Variants in EFNB2 observed in about 807,000 individuals in gnomAD.
The protein encoded by EFNB2 is ephrin-B2.
A neutral mutation model predicts 32.1 loss-of-function variants in EFNB2; 5 were observed. That is an observed-to-expected ratio of 0.16 (90% CI 0.08 to 0.33). The LOEUF is 0.33. Ranked by LOEUF, EFNB2 falls within the 10% of genes least tolerant of loss-of-function variation. The pLI is 1.00. For synonymous variants in EFNB2, 168 were observed against 166.5 expected (o/e 1.01, Z -0.07); for missense variants, 263 against 422.6 (o/e 0.62, Z 3.31).
intron 2 of EFNB2, 103 bp from the exon 3 acceptor site, chr13:106,495,943 A>G: frequency 8.8e-7 from 1 of 1,140,000 alleles, no homozygotes; most frequent in Non-Finnish European, 1.3e-6. Context: ...AATTTGAAAA[A>G]TAAGAATTCA....
chr13:106,518,249 T>C lies in EFNB2; in HGVS notation c.123-5437A>G, dbSNP rs1389614822. 6.6e-6 allele frequency: 1 copy of C among 152,162 alleles called. No individual in the cohort carries two copies. Among genetic ancestry groups the C allele is most frequent in the Non-Finnish European group, 1.5e-5 (1 of 68,050 alleles). 9.4% of individuals were successfully genotyped at this position (152,162 alleles called of 1,614,324 possible). A position where few individuals can be genotyped will look rare whatever the true frequency, so the allele number is the denominator to read the frequency against. On this transcript the variant is annotated intron_variant, in intron 1 of 4. Coordinates refer to ENST00000646441, the MANE Select transcript of EFNB2 (RefSeq NM_004093.4). The surrounding 1 kb of genome is among the most constrained non-coding windows in gnomAD (Gnocchi z 4.1). The stretch of plus-strand genomic sequence containing the variant: ...GTTACTCGGAGGCTGAGACAGAGAA[T>C]TGCTTGAATCCGAGAGGCGGAGGTT...
intron 2 of EFNB2, among the ~76,000 whole-genome samples, chr13:106,508,022 A>G (rs942780422): frequency 6.6e-6 from 1 of 152,190 alleles, no homozygotes; most frequent in Non-Finnish European, 1.5e-5. Flanking sequence ...TCTGACTCAC[A>G]TGATTTTGGT....
chr13:106,503,581 G>A lies in EFNB2; in HGVS notation c.407-7741C>T, dbSNP rs1477545198. On this transcript the variant is annotated intron_variant, in intron 2 of 4. Transcript: ENST00000646441. The stretch of plus-strand genomic sequence containing the variant: ...CTGGATTAAATGAAGGTTGCCAGGT[G>A]GAAGTCATTAGCTGGGTGGTGTTAA... Among the ~76,000 whole-genome samples the A allele has an allele frequency of 3.9e-5, 6 of 152,298 alleles. No individual in the cohort carries two copies. In the East Asian group the frequency reaches 9.7e-4, roughly 25 times the overall value.
chr13:106,528,715 C>A (rs912552771), intron 1 of EFNB2, among the ~76,000 whole-genome samples: 2 of 152,144 alleles, frequency 1.3e-5, no homozygotes, highest in Non-Finnish European at 1.5e-5. Flanking sequence ...GGAACCCAAT[C>A]GTGGTTTCAA....
At chr13:106,499,695 AT>A (rs958717362) in intron 2 of EFNB2, among the ~76,000 whole-genome samples, 2 of 151,870 alleles carry the variant, frequency 1.3e-5, no homozygotes, top group East Asian at 1.9e-4. Context: ...GGGCCCAGAT[AT>A]TTTTTTTCCC....
Position 106,493,028 on chromosome 13 carries a change from C to G in EFNB2, c.*12G>C. 1 of 1,595,466 alleles carries G rather than the reference C, an allele frequency of 6.3e-7. No homozygotes were observed. The highest frequency in any genetic ancestry group is 1.1e-5 in the South Asian group (1 of 89,506). ...GTCCTCTGGGAAAGCACAGGTACCACCAGGGTCCCTCTCAGACCTTGTAGT... is the reference window on the plus strand; with the variant it reads ...GTCCTCTGGGAAAGCACAGGTACCAGCAGGGTCCCTCTCAGACCTTGTAGT... On this transcript the variant is annotated 3_prime_UTR_variant, in exon 5 of 5. Transcript: ENST00000646441. The surrounding 1 kb of genome is among the most constrained non-coding windows in gnomAD (Gnocchi z 6.1).
At chr13:106,508,595 T>A (rs537904781) in intron 2 of EFNB2, among the ~76,000 whole-genome samples, 107 of 152,298 alleles carry the variant, frequency 7.0e-4, no homozygotes, top group African/African-American at 2.6e-3. Flanking sequence ...CATATACAGA[T>A]GCTCCATGAC....
Position 106,490,741 on chromosome 13 carries a change from A to G in EFNB2, c.*2299T>C, listed in dbSNP as rs1037562109. 1.3e-5 allele frequency: 2 copies of G among 151,700 alleles called. No homozygotes were observed. Among genetic ancestry groups the G allele is most frequent in the African/African-American group, 4.8e-5 (2 of 41,296 alleles). 9.4% of individuals were successfully genotyped at this position (151,700 alleles called of 1,614,324 possible). ...TGGCAACCCTCCACAGAAATATGAT[A>G]TAGATATATATAATATATATTGTAG... On this transcript the variant is annotated 3_prime_UTR_variant, in exon 5 of 5. Transcript: ENST00000646441.
At chr13:106,513,704 C>T (rs1252932034) in intron 1 of EFNB2, among the ~76,000 whole-genome samples, 1 of 152,150 alleles carries the variant, frequency 6.6e-6, no homozygotes, top group Non-Finnish European at 1.5e-5. Context: ...ACAAGAACTT[C>T]CTAATGAACA....
In EFNB2 at chr13:106,494,959, G is replaced by C. The variant is rs746057065; in HGVS notation, c.535C>G (p.Pro179Ala). ...SSAGSTRNKD[P>A]TRRPELEAGT... ...GCTTCTAGTTCTGGACGTCTTGTTG[G>C]ATCTTTATTCCTGGTTGATCCAGCA... The change falls in exon 4 of 5, where the codon CCA (proline) becomes GCA (alanine). Residue 179 changes from proline to alanine, a missense_variant. Physicochemically the swap from Pro to Ala is conservative, Grantham distance 27 (BLOSUM62 -1). Coordinates refer to ENST00000646441, the MANE Select transcript of EFNB2 (RefSeq NM_004093.4). The C allele has an allele frequency of 5.0e-6, 8 of 1,614,140 alleles. No individual in the cohort carries two copies. The East Asian group carries it at 1.8e-4, about 36-fold the overall frequency.
chr13:106,492,856 A>C lies in EFNB2; in HGVS notation c.*184T>G. On this transcript the variant is annotated 3_prime_UTR_variant, in exon 5 of 5. Coordinates refer to ENST00000646441, the MANE Select transcript of EFNB2 (RefSeq NM_004093.4). This position sits in a 1 kb window ranked among gnomAD's most constrained non-coding sequence, Gnocchi z 5.1. Reference sequence around the variant, plus strand: ...CTTCCAGGGAGCGTGTGTGTTCACCAAGGCCGAATGCTACAAGACTAGGTA... The same window carrying C: ...CTTCCAGGGAGCGTGTGTGTTCACCCAGGCCGAATGCTACAAGACTAGGTA... The C allele has an allele frequency of 2.7e-6, 2 of 750,100 alleles. No individual in the cohort carries two copies. Among genetic ancestry groups the C allele is most frequent in the Non-Finnish European group, 4.2e-6 (2 of 480,684 alleles). The allele number at this position is 750,100 out of a possible 1,614,324, so 46.5% of individuals were successfully genotyped here. A position where few individuals can be genotyped will look rare whatever the true frequency, so the allele number is the denominator to read the frequency against.
chr13:106,509,627 C>CTGTGTGTGTGTGTGTGTGTGTGTGTG (rs34068695), intron 2 of EFNB2, among the ~76,000 whole-genome samples: 4 of 142,572 alleles, frequency 2.8e-5, no homozygotes, highest in African/African-American at 1.0e-4. Context: ...CAGAGCTTGA[C>CTGTGTGTGTGTGTGTGTGTGTGTGTG]TGTGTGTGTG....
chr13:106,494,892 T>G lies in EFNB2; in HGVS notation c.602A>C (p.Lys201Thr). 6.2e-7 allele frequency: 1 copy of G among 1,613,996 alleles called. No individual in the cohort carries two copies. Among genetic ancestry groups the G allele is most frequent in the Non-Finnish European group, 8.5e-7 (1 of 1,179,854 alleles). Residue 201 changes from lysine (K) to threonine (T), a missense_variant, in exon 4 of 5, where the codon AAA becomes ACA. Around this residue, in one of 3 missense-constraint regions of EFNB2, gnomAD observed 172 missense variants for 237.1 expected, o/e 0.73. Coordinates refer to ENST00000646441, the MANE Select transcript of EFNB2 (RefSeq NM_004093.4). ...TCATGCTGTTATACCTGGATTTGGT[T>G]TTACAAAGGGACTTGTTGTCGAACT... is the stretch of plus-strand genomic sequence containing the variant. ...GRSSTTSPFVKPNPGSSTDGN... is the reference protein window; with the variant it reads ...GRSSTTSPFVTPNPGSSTDGN...
intron 1 of EFNB2, among the ~76,000 whole-genome samples, chr13:106,530,356 A>G (rs1879831049): frequency 6.6e-6 from 1 of 152,170 alleles, no homozygotes; most frequent in Admixed American, 6.5e-5. Context: ...TTTAATCAAA[A>G]TATTTTAAAC....
At chr13:106,508,710 A>G (rs1052622491) in intron 2 of EFNB2, among the ~76,000 whole-genome samples, 5 of 152,210 alleles carry the variant, frequency 3.3e-5, no homozygotes, top group African/African-American at 4.8e-5. Flanking sequence ...AGAAAGTTGA[A>G]AAATTTAAGT....
chr13:106,506,821 A>C (rs946759076), intron 2 of EFNB2: 1 of 152,238 alleles, frequency 6.6e-6, no homozygotes, highest in South Asian at 2.1e-4. Context: ...AACCCTGTGA[A>C]GCAGGTGCTG....
intron 2 of EFNB2, among the ~76,000 whole-genome samples, chr13:106,508,041 G>A (rs898480034): frequency 2.0e-5 from 3 of 152,142 alleles, no homozygotes; most frequent in South Asian, 2.1e-4. Flanking sequence ...GTAGTGTGAC[G>A]AAAACCTCTT....
Position 106,512,500 on chromosome 13 carries a change from A to G in EFNB2, c.406+29T>C, listed in dbSNP as rs758568249. 3.6e-6 allele frequency: 5 copies of G among 1,407,408 alleles called. No individual in the cohort carries two copies. In the African/African-American group the frequency reaches 5.8e-5, roughly 16 times the overall value. 87.2% of individuals were successfully genotyped at this position (1,407,408 alleles called of 1,614,324 possible). ...ACCTATATAGCTTATCTTAATTTCTATAAAATAAATGAATAAAATTATACT... is the reference window on the plus strand; with the variant it reads ...ACCTATATAGCTTATCTTAATTTCTGTAAAATAAATGAATAAAATTATACT... On this transcript the variant is annotated intron_variant, in intron 2 of 4. Transcript: ENST00000646441.
chr13:106,494,711 C>T (rs1461888218), intron 4 of EFNB2, among the ~76,000 whole-genome samples, 170 bp downstream of exon 4: 5 of 152,184 alleles, frequency 3.3e-5, no homozygotes, highest in Non-Finnish European at 7.4e-5. Context: ...TTATTTTGTT[C>T]TTATTGAGTG....
Sources: allele counts gnomAD v4.1 joint callset (sites outside exome capture counted in the v4.1 genomes callset), GRCh38; gene constraint gnomAD v4.1.1; regional missense constraint gnomAD v4.1.1; non-coding constraint Gnocchi (gnomAD v3.1); transcripts MANE v1.5; gene names NCBI Gene and HGNC (gene_info 2026-07-23, HGNC 2026-07-21).